The following GPCPD1 variants were observed in gnomAD, a reference collection of about 807,000 sequenced individuals.
The protein encoded by GPCPD1 is glycerophosphocholine phosphodiesterase 1, also known as glycerophosphocholine phosphodiesterase GPCPD1.
GPCPD1 carries 29 observed loss-of-function variants against 89.2 expected under a neutral mutation model. That is an observed-to-expected ratio of 0.33 (90% CI 0.24 to 0.44). The LOEUF (loss-of-function observed/expected upper bound fraction) is 0.44. GPCPD1 is among the 20% of genes least tolerant of loss of function. The pLI is 1.00. For synonymous variants in GPCPD1, 258 were observed against 266.3 expected, an observed-to-expected ratio of 0.97 and a Z score of 0.30; for missense variants, 594 against 808.9, an observed-to-expected ratio of 0.73 and a Z score of 3.22.
At chr20:5,560,100 A>G (rs769704128) in intron 16 of GPCPD1, 24 bp from the exon 17 acceptor site, 20 of 1,498,870 alleles carry the variant, frequency 1.3e-5, no homozygotes, top group Non-Finnish European at 1.8e-5. Flanking sequence ...AAGCAAAATA[A>G]AAGTCACTGC....
chr20:5,588,487 A>C (rs1979086641), intron 4 of GPCPD1, among the ~76,000 whole-genome samples: 1 of 152,100 alleles, frequency 6.6e-6, no homozygotes, highest in Non-Finnish European at 1.5e-5. Context: ...CGTGGGCGAC[A>C]GAGTGAGACT....
chr20:5,554,055 G>A lies in GPCPD1; in HGVS notation c.1829+3890C>T, dbSNP rs755910240. ...GTGATCTCTGCTCACTGCAAGCTCC[G>A]ACTCCTCGGTTCAGGCCATTCTCCT... On this transcript the variant is annotated intron_variant, in intron 19 of 19. Transcript: ENST00000379019. 3.0e-5 allele frequency among the ~76,000 whole-genome samples: 4 copies of A among 135,584 alleles called. 1 individual carries two copies. The highest frequency in any genetic ancestry group is 6.3e-5 in the Non-Finnish European group (4 of 63,716). The allele number at this position is 135,584 out of a possible 152,430, so 88.9% of individuals were successfully genotyped here.
chr20:5,562,276 ATTATG>A (rs1986130617), intron 15 of GPCPD1, among the ~76,000 whole-genome samples: 1 of 152,216 alleles, frequency 6.6e-6, no homozygotes, highest in South Asian at 2.1e-4. Flanking sequence ...TTTGACAGAG[ATTATG>A]TTATATTATT....
At chr20:5,577,075 T>G (rs1978292190) in intron 8 of GPCPD1, among the ~76,000 whole-genome samples, 1 of 148,692 alleles carries the variant, frequency 6.7e-6, no homozygotes, top group Non-Finnish European at 1.5e-5. Flanking sequence ...GTTTTTTTTT[T>G]TTTTTCTGAG....
At chr20:5,576,511 A>G (rs1978289329) in intron 8 of GPCPD1, among the ~76,000 whole-genome samples, 2 of 152,188 alleles carry the variant, frequency 1.3e-5, no homozygotes, top group African/African-American at 4.8e-5. Flanking sequence ...AGAACTGATA[A>G]GAGATACAAT....
chr20:5,549,124 G>C (rs1985216171), intron 19 of GPCPD1: 1 of 647,602 alleles, frequency 1.5e-6, no homozygotes, highest in Non-Finnish European at 2.9e-6. Context: ...ATGGTGTTGA[G>C]CCCATGTGGG....
Position 5,584,308 on chromosome 20 carries a change from T to A in GPCPD1, c.322A>T (p.Ile108Phe). Residue 108 changes from isoleucine to phenylalanine, a missense_variant, in exon 6 of 20, where the codon ATT becomes TTT. Ile to Phe is a conservative substitution (Grantham distance 21). Coordinates refer to ENST00000379019, the MANE Select transcript of GPCPD1 (RefSeq NM_019593.5). ...SITPLESEII[I>F]DDGQFGIHNG... ...TGGATTCCAAATTGTCCATCGTCAATAATAATTTCGCTTTCTAGAATTTAA... is the reference window on the plus strand; with the variant it reads ...TGGATTCCAAATTGTCCATCGTCAAAAATAATTTCGCTTTCTAGAATTTAA... 1.4e-6 allele frequency: 2 copies of A among 1,424,288 alleles called. No homozygotes were observed. The highest frequency in any genetic ancestry group is 9.9e-7 in the Non-Finnish European group (1 of 1,010,644). The allele number at this position is 1,424,288 out of a possible 1,614,324, so 88.2% of individuals were successfully genotyped here.
In GPCPD1 at chr20:5,554,905, G is replaced by A. The variant is rs115179381; in HGVS notation, c.1829+3040C>T. 1.3e-3 allele frequency among the ~76,000 whole-genome samples: 191 copies of A among 152,272 alleles called. 1 individual carries two copies. The highest frequency in any genetic ancestry group is 4.4e-3 in the African/African-American group (183 of 41,564). On this transcript the variant is annotated intron_variant, in intron 19 of 19. Coordinates refer to ENST00000379019, the MANE Select transcript of GPCPD1 (RefSeq NM_019593.5). ...AAGATCAAAATATCAACATTAACAG[G>A]CATTTGGAAGAAGCTGATATCAATC...
At position 5,547,654 on chromosome 20, in the gene GPCPD1, A is replaced by G. The variant is rs755534832; in HGVS notation, c.*7T>C. ...ACGCCCCCAAAATGACCTCTGTGCA[A>G]TAAAAACTAAGCATTCTCCACGTTA... On this transcript the variant is annotated 3_prime_UTR_variant, in exon 20 of 20. Coordinates refer to ENST00000379019, the MANE Select transcript of GPCPD1 (RefSeq NM_019593.5). 5.8e-6 allele frequency: 9 copies of G among 1,549,420 alleles called. No homozygotes were observed. The highest frequency in any genetic ancestry group is 8.0e-6 in the Non-Finnish European group (9 of 1,125,540).
chr20:5,555,073 G>A (rs149053630), intron 19 of GPCPD1, among the ~76,000 whole-genome samples: 5 of 152,324 alleles, frequency 3.3e-5, no homozygotes, highest in East Asian at 3.9e-4. Flanking sequence ...TTTAACAGAC[G>A]AGGAGTTGCT....
chr20:5,596,556 CA>C lies in GPCPD1; in HGVS notation c.146+2168del, dbSNP rs572316600. ...CTTTCCCAAAATACCATAAAATCTACAAGGAGGGCAAATGAAACCACAAGTG... is the reference window on the plus strand; with the variant it reads ...CTTTCCCAAAATACCATAAAATCTACAGGAGGGCAAATGAAACCACAAGTG... On this transcript the variant is annotated intron_variant, in intron 3 of 19. Coordinates refer to ENST00000379019, the MANE Select transcript of GPCPD1 (RefSeq NM_019593.5). Among the ~76,000 whole-genome samples, 20 of 152,228 alleles carry C rather than the reference CA, an allele frequency of 1.3e-4. No homozygotes were observed. In the South Asian group the frequency reaches 3.9e-3, roughly 30 times the overall value.
intron 17 of GPCPD1, 75 bp downstream of exon 17, chr20:5,559,865 C>T: frequency 1.3e-6 from 1 of 742,638 alleles, no homozygotes; most frequent in Non-Finnish European, 2.1e-6. Context: ...TGGACAACTA[C>T]CCCACCTCCA....
chr20:5,603,741 T>C (rs1980344685), intron 2 of GPCPD1, among the ~76,000 whole-genome samples: 1 of 149,668 alleles, frequency 6.7e-6, no homozygotes, highest in Non-Finnish European at 1.5e-5. Context: ...TTTCACCAAC[T>C]TATTCTTTTT....
In GPCPD1 at chr20:5,575,443, C is replaced by T. The variant is rs2122657845; in HGVS notation, c.971G>A (p.Arg324Gln). ...AGTTGTTGTAGAGTTTCCTGCACCT[C>T]GATGGCCAACATCCAATGGTATTCT... ...KPRIPLDVGH[R>Q]GAGNSTTTAQ... The change falls in exon 10 of 20, where the codon CGA becomes CAA. Residue 324 changes from arginine (R) to glutamine (Q), a missense_variant. Arg to Gln is a conservative substitution (Grantham distance 43). Coordinates refer to ENST00000379019, the MANE Select transcript of GPCPD1 (RefSeq NM_019593.5). 4 of 1,609,080 alleles carry T rather than the reference C, an allele frequency of 2.5e-6. No homozygotes were observed. Among genetic ancestry groups the T allele is most frequent in the East Asian group, 2.2e-5 (1 of 44,830 alleles).
chr20:5,589,367 T>C (rs1979163292), intron 4 of GPCPD1, among the ~76,000 whole-genome samples: 2 of 152,144 alleles, frequency 1.3e-5, no homozygotes, highest in Admixed American at 6.5e-5. Flanking sequence ...ATCCCAGCAC[T>C]TTGGGAGGTC....
At chr20:5,592,792 A>T (rs865899963) in intron 4 of GPCPD1, among the ~76,000 whole-genome samples, 3 of 152,332 alleles carry the variant, frequency 2.0e-5, no homozygotes, top group South Asian at 2.1e-4. Context: ...TGAACAGGCA[A>T]ATTTAGAATA....
chr20:5,548,836 G>T, intron 19 of GPCPD1: 1 of 763,130 alleles, frequency 1.3e-6, no homozygotes, highest in Non-Finnish European at 1.9e-6. Context: ...ATGTAAGACG[G>T]CGGACTGTCA....
At position 5,575,993 on chromosome 20, in the gene GPCPD1, T is replaced by C. The variant is rs375639887; in HGVS notation, c.706-15A>G. 1.3e-5 allele frequency: 19 copies of C among 1,512,242 alleles called. No homozygotes were observed. The highest frequency in any genetic ancestry group is 1.7e-5 in the Non-Finnish European group (19 of 1,096,634). The allele number at this position is 1,512,242 out of a possible 1,614,324, so 93.7% of individuals were successfully genotyped here. A position where few individuals can be genotyped will look rare whatever the true frequency, so the allele number is the denominator to read the frequency against. ...CTGAGATCTTCCTGAAAAAATGAGA[T>C]TTAAAATAATCTTAATTTTTAAACT... On this transcript the variant is annotated splice_polypyrimidine_tract_variant and intron_variant, in intron 8 of 19. Transcript: ENST00000379019.
chr20:5,590,521 C>T (rs544101777), intron 4 of GPCPD1, among the ~76,000 whole-genome samples: 13 of 80,050 alleles, frequency 1.6e-4, no homozygotes, highest in Middle Eastern at 9.1e-3. Context: ...CCAGCCTGGG[C>T]GACAGAACAA....
Sources: allele counts gnomAD v4.1 joint callset (sites outside exome capture counted in the v4.1 genomes callset), GRCh38; gene constraint gnomAD v4.1.1; transcripts MANE v1.5; gene names NCBI Gene and HGNC (gene_info 2026-07-23, HGNC 2026-07-21).